The following PCDHGA8 variants were observed in gnomAD, a reference collection of about 807,000 sequenced individuals.
The protein encoded by PCDHGA8 is protocadherin gamma subfamily A, 8.
PCDHGA8 carries 45 observed loss-of-function variants against 59.2 expected under a neutral mutation model. That is an observed-to-expected ratio of 0.76 (90% confidence interval 0.60 to 0.98). PCDHGA8 has a LOEUF of 0.98. PCDHGA8 is among the 50% of genes least tolerant of loss of function. PCDHGA8 has a pLI of 0.00. For missense variants in PCDHGA8, 1,257 were observed against 1,196.2 expected (o/e 1.05, Z -0.75); for synonymous variants, 531 against 519.0 (o/e 1.02, Z -0.32).
chr5:141,415,745 T>C, intron 1 of PCDHGA8: 1 of 517,922 alleles, frequency 1.9e-6, no homozygotes, highest in Non-Finnish European at 2.4e-6. Context: ...TTAAGGTTTT[T>C]TTTTTTTTTT....
In PCDHGA8 at chr5:141,432,498, G is replaced by A. The variant is rs766191511; in HGVS notation, c.2424+37261G>A. Reference sequence around the variant, plus strand: ...TCCACTGGCGTGGAGCTGGCTCCCCGCTCCGCAGAGCCCGGCTACCTGGTG... The same window carrying A: ...TCCACTGGCGTGGAGCTGGCTCCCCACTCCGCAGAGCCCGGCTACCTGGTG... On this transcript the variant is annotated intron_variant, in intron 1 of 3. Coordinates refer to ENST00000398604, the MANE Select transcript of PCDHGA8 (RefSeq NM_032088.2). This position sits in a 1 kb window ranked among gnomAD's most constrained non-coding sequence, Gnocchi z 6.0. The A allele has an allele frequency of 1.9e-6, 3 of 1,614,106 alleles. No homozygotes were observed. The highest frequency in any genetic ancestry group is 2.5e-6 in the Non-Finnish European group (3 of 1,180,052).
intron 1 of PCDHGA8, among the ~76,000 whole-genome samples, chr5:141,461,248 C>A (rs1209563726): frequency 6.6e-6 from 1 of 152,038 alleles, no homozygotes; most frequent in Non-Finnish European, 1.5e-5. Context: ...AATTTATATT[C>A]CCAGCAGCAA....
intron 1 of PCDHGA8, among the ~76,000 whole-genome samples, chr5:141,473,719 T>C (rs998018115): frequency 6.6e-6 from 1 of 152,124 alleles, no homozygotes; most frequent in African/African-American, 2.4e-5. Context: ...CAATGGAATA[T>C]AGTGAGAGAG....
intron 1 of PCDHGA8, chr5:141,408,083 C>A: frequency 7.1e-7 from 1 of 1,414,576 alleles, no homozygotes; most frequent in Non-Finnish European, 9.3e-7. Flanking sequence ...CCCAGCACAG[C>A]GGATTGCCAG....
chr5:141,399,697 T>C, intron 1 of PCDHGA8: 1 of 1,613,436 alleles, frequency 6.2e-7, no homozygotes. Context: ...GCTGCGCACC[T>C]TCGAACTCAC....
chr5:141,400,453 C>G, intron 1 of PCDHGA8: 2 of 1,614,056 alleles, frequency 1.2e-6, no homozygotes, highest in South Asian at 2.2e-5. Flanking sequence ...ACAAGACATA[C>G]TTTGTGGTGA....
intron 2 of PCDHGA8, among the ~76,000 whole-genome samples, chr5:141,503,448 C>T (rs765046868): frequency 2.0e-5 from 3 of 151,808 alleles, no homozygotes; most frequent in South Asian, 2.1e-4. Context: ...TACAAAAATT[C>T]GCTGGGCATG....
intron 1 of PCDHGA8, among the ~76,000 whole-genome samples, chr5:141,465,576 C>T (rs1002696285): frequency 6.6e-6 from 1 of 152,136 alleles, no homozygotes; most frequent in Non-Finnish European, 1.5e-5. Context: ...TCTCAAAACA[C>T]TCTCATAATA....
In PCDHGA8 at chr5:141,393,584, A is replaced by G; in HGVS notation, c.771A>G (p.Pro257=). The change falls in exon 1 of 4, where the codon CCA becomes CCG. Residue 257 remains proline (P), a synonymous_variant. Transcript: ENST00000398604. ...TGAAAGTCCTTGAGAACATGCCCCCAGGCACGCGGCTGCTTACTGTAACAG... is the reference window on the plus strand; with the variant it reads ...TGAAAGTCCTTGAGAACATGCCCCCGGGCACGCGGCTGCTTACTGTAACAG... ...YRVKVLENMP[P]GTRLLTVTAS... The G allele has an allele frequency of 6.2e-7, 1 of 1,613,892 alleles. No individual in the cohort carries two copies. Among genetic ancestry groups the G allele is most frequent in the African/African-American group, 1.3e-5 (1 of 75,060 alleles).
At chr5:141,473,944 CTGTA>C (rs2099333270) in intron 1 of PCDHGA8, among the ~76,000 whole-genome samples, 2 of 152,156 alleles carry the variant, frequency 1.3e-5, no homozygotes, top group Non-Finnish European at 2.9e-5. Context: ...TAGCTCAGGC[CTGTA>C]GTCCCATCTA....
At position 141,399,586 on chromosome 5, in the gene PCDHGA8, A is replaced by G. The variant is rs751097540; in HGVS notation, c.2424+4349A>G. The G allele has an allele frequency of 6.2e-6, 10 of 1,613,830 alleles. No individual in the cohort carries two copies. The East Asian group carries it at 1.3e-4, about 22-fold the overall frequency. Reference sequence around the variant, plus strand: ...GTTGAACGGCCAAGTCTCCTACTCTATCATGGCCAGCGACCTAGAGCCTCT... The same window carrying G: ...GTTGAACGGCCAAGTCTCCTACTCTGTCATGGCCAGCGACCTAGAGCCTCT... On this transcript the variant is annotated intron_variant, in intron 1 of 3. Coordinates refer to ENST00000398604, the MANE Select transcript of PCDHGA8 (RefSeq NM_032088.2).
At chr5:141,467,924 G>A (rs2099154404) in intron 1 of PCDHGA8, among the ~76,000 whole-genome samples, 1 of 152,042 alleles carries the variant, frequency 6.6e-6, no homozygotes, top group Non-Finnish European at 1.5e-5. Context: ...CTCCCAAAAT[G>A]CTAGGATTAC....
chr5:141,400,164 C>G (rs1307583379), intron 1 of PCDHGA8: 1 of 1,614,086 alleles, frequency 6.2e-7, no homozygotes, highest in Admixed American at 1.7e-5. Context: ...TACCCTCTGA[C>G]CCCCAGGCTG....
At chr5:141,406,948 CAT>C (rs777377851) in intron 1 of PCDHGA8, among the ~76,000 whole-genome samples, 2 of 152,096 alleles carry the variant, frequency 1.3e-5, no homozygotes, top group Non-Finnish European at 2.9e-5. Context: ...TTATTTTAAA[CAT>C]AGTGTTGTTT....
Position 141,487,070 on chromosome 5 carries a change from C to A in PCDHGA8, c.2425-7737C>A, listed in dbSNP as rs1365482479. The A allele has an allele frequency of 6.2e-7, 1 of 1,614,036 alleles. No individual in the cohort carries two copies. The highest frequency in any genetic ancestry group is 8.5e-7 in the Non-Finnish European group (1 of 1,180,016). ...TGCTGGGGAGGTGCGGACGGCTGTT[C>A]CTATCCCAGCTGACCTCCCACCACA... is the stretch of plus-strand genomic sequence containing the variant. On this transcript the variant is annotated intron_variant, in intron 1 of 3. Coordinates refer to ENST00000398604, the MANE Select transcript of PCDHGA8 (RefSeq NM_032088.2). The surrounding 1 kb of genome is among the most constrained non-coding windows in gnomAD (Gnocchi z 5.0).
In PCDHGA8 at chr5:141,422,440, T is replaced by G. The variant is rs1028472076; in HGVS notation, c.2424+27203T>G. 11 of 1,610,116 alleles carry G rather than the reference T, an allele frequency of 6.8e-6. No homozygotes were observed. The highest frequency in any genetic ancestry group is 2.7e-5 in the African/African-American group (2 of 74,560). On this transcript the variant is annotated intron_variant, in intron 1 of 3. Transcript: ENST00000398604. ...AAAGACTTATGGAAATTATTACAAATTGATAACAAGCAGAGTGCTGGACAG... is the reference window on the plus strand; with the variant it reads ...AAAGACTTATGGAAATTATTACAAAGTGATAACAAGCAGAGTGCTGGACAG...
intron 1 of PCDHGA8, chr5:141,415,794 A>C: frequency 7.3e-7 from 1 of 1,366,410 alleles, no homozygotes; most frequent in Non-Finnish European, 9.3e-7. Context: ...AAATTCACCT[A>C]GTCTCAATCA....
In PCDHGA8 at chr5:141,491,511, C is replaced by G. The variant is rs777448782; in HGVS notation, c.2425-3296C>G. 6.2e-7 allele frequency: 1 copy of G among 1,614,080 alleles called. No individual in the cohort carries two copies. The highest frequency in any genetic ancestry group is 8.5e-7 in the Non-Finnish European group (1 of 1,180,018). ...TGCAGGTGAGCTCGGACGGCACGCT[C>G]AAGTACATGGAGGTGACGCTGCGGC... On this transcript the variant is annotated intron_variant, in intron 1 of 3. Transcript: ENST00000398604. This position sits in a 1 kb window ranked among gnomAD's most constrained non-coding sequence, Gnocchi z 6.9.
intron 1 of PCDHGA8, among the ~76,000 whole-genome samples, chr5:141,488,398 A>T (rs2099675065): frequency 6.6e-6 from 1 of 152,192 alleles, no homozygotes; most frequent in African/African-American, 2.4e-5. Flanking sequence ...GAAACCATGA[A>T]ACCTAGAAGC....
Sources: gnomAD v4.1 joint callset for allele counts (sites outside exome capture counted in the v4.1 genomes callset) on GRCh38, gnomAD v4.1.1 for gene constraint, Gnocchi (gnomAD v3.1) non-coding constraint, MANE v1.5 for transcripts, NCBI Gene and HGNC (gene_info 2026-07-23, HGNC 2026-07-21) for gene names.